PEDS1: variants seen among roughly 807,000 people sequenced by gnomAD.
The protein encoded by PEDS1 is plasmanylethanolamine desaturase 1.
In PEDS1, 14 loss-of-function variants were observed where a neutral mutation model predicts 35.2. The observed-to-expected ratio is 0.40, with a 90% CI of 0.26 to 0.62. The LOEUF is 0.62. Ranked by LOEUF, PEDS1 falls within the 20% of genes least tolerant of loss-of-function variation. PEDS1 has a pLI of 0.44. For missense variants in PEDS1, 260 were observed against 367.8 expected (o/e 0.71, Z 2.40); for synonymous variants, 152 against 152.0 (o/e 1.00, Z 0.00).
intron 5 of PEDS1, among the ~76,000 whole-genome samples, chr20:50,125,573 TATC>T (rs1243411985): frequency 1.3e-5 from 2 of 151,664 alleles, no homozygotes; most frequent in African/African-American, 4.8e-5. Flanking sequence ...TCTATCTATC[TATC>T]TATCTATCTA....
At chr20:50,149,066 T>C (rs1442054152) in intron 1 of PEDS1, among the ~76,000 whole-genome samples, 1 of 152,104 alleles carries the variant, frequency 6.6e-6, no homozygotes, top group Admixed American at 6.5e-5. Flanking sequence ...TGAGCTGCAA[T>C]CGCTCCATCA....
At position 50,129,443 on chromosome 20, in the gene PEDS1, A is replaced by G; in HGVS notation, c.478+103T>C. 6.8e-7 allele frequency: 1 copy of G among 1,463,958 alleles called. No individual in the cohort carries two copies. The highest frequency in any genetic ancestry group is 9.1e-7 in the Non-Finnish European group (1 of 1,102,524). 90.7% of individuals were successfully genotyped at this position (1,463,958 alleles called of 1,614,324 possible). The stretch of plus-strand genomic sequence containing the variant: ...GAAGACAATGAATGAAAACTCTTTT[A>G]AAATACCATAAGGAGCCAAACACAT... On this transcript the variant is annotated intron_variant, in intron 4 of 5. Coordinates refer to ENST00000371652, the MANE Select transcript of PEDS1 (RefSeq NM_199129.4). The surrounding 1 kb of genome is among the most constrained non-coding windows in gnomAD (Gnocchi z 4.2).
Position 50,143,555 on chromosome 20 carries a change from T to G in PEDS1, c.188A>C (p.His63Pro), listed in dbSNP as rs753256182. ...CTCCCAGCGGGCCAGCAGCAGGAGATGGACCAGGTTGTGGGCGATGAGGCT... is the reference window on the plus strand; with the variant it reads ...CTCCCAGCGGGCCAGCAGCAGGAGAGGGACCAGGTTGTGGGCGATGAGGCT... ...CFSLIAHNLV[H>P]LLLLARWEDT... Residue 63 changes from histidine to proline, a missense_variant, in exon 2 of 6, where the codon CAT becomes CCT. Physicochemically the swap from His to Pro is moderately conservative, Grantham distance 77 (BLOSUM62 -2). This residue lies in a region of PEDS1 where 114 missense variants were observed against 121.6 expected (regional missense o/e 0.94). Transcript: ENST00000371652. 1 of 1,613,688 alleles carries G rather than the reference T, an allele frequency of 6.2e-7. No individual in the cohort carries two copies. The highest frequency in any genetic ancestry group is 2.2e-5 in the East Asian group (1 of 44,870).
intron 2 of PEDS1, among the ~76,000 whole-genome samples, chr20:50,136,202 C>T (rs975791047): frequency 2.0e-5 from 3 of 152,186 alleles, no homozygotes; most frequent in African/African-American, 4.8e-5. Flanking sequence ...ATCAAGGCCT[C>T]GCTTAGGCCG....
At chr20:50,131,696 CA>C (rs2081182546) in intron 2 of PEDS1, among the ~76,000 whole-genome samples, 1 of 124,628 alleles carries the variant, frequency 8.0e-6, no homozygotes, top group South Asian at 2.9e-4. Flanking sequence ...CAGCTTTTAT[CA>C]GCAATAAACA....
chr20:50,130,268 G>C (rs1406785052), intron 3 of PEDS1, among the ~76,000 whole-genome samples: 4 of 152,208 alleles, frequency 2.6e-5, no homozygotes, highest in African/African-American at 9.6e-5. Context: ...AAGGAGAAAT[G>C]CTGTTCTCCT....
rs771336289 is a variant in PEDS1, at chr20:50,128,075, G to C, written c.591C>G (p.Arg197=). The change falls in exon 5 of 6, where the codon CGC becomes CGG. Residue 197 remains arginine (R), a synonymous_variant. Transcript: ENST00000371652. This position sits in a 1 kb window ranked among gnomAD's most constrained non-coding sequence, Gnocchi z 5.2. ...KWSHTYFGLP[R]WVTLLQDWHV... The stretch of plus-strand genomic sequence containing the variant: ...GCCAGTCCTGCAGGAGGGTGACCCA[G>C]CGTGGCAGCCCAAAGTACGTGTGCG... 5.6e-6 allele frequency: 9 copies of C among 1,614,130 alleles called. No individual in the cohort carries two copies. Among genetic ancestry groups the C allele is most frequent in the Non-Finnish European group, 1.7e-6 (2 of 1,180,052 alleles).
chr20:50,138,621 T>C (rs2081260066), intron 2 of PEDS1, among the ~76,000 whole-genome samples: 1 of 152,174 alleles, frequency 6.6e-6, no homozygotes, highest in African/African-American at 2.4e-5. Flanking sequence ...AGGAATCATC[T>C]TAGGAGACCA....
rs374411362 is a variant in PEDS1 at position 50,124,129 on chromosome 20, C to T, written c.*929G>A. The stretch of plus-strand genomic sequence containing the variant: ...ACGTCCCAGGCTCCTTGATACCCCC[C>T]ACCCCACCCAGCCAGGAAACACCAC... On this transcript the variant is annotated 3_prime_UTR_variant, in exon 6 of 6. Coordinates refer to ENST00000371652, the MANE Select transcript of PEDS1 (RefSeq NM_199129.4). 6.6e-6 allele frequency: 1 copy of T among 152,616 alleles called. No individual in the cohort carries two copies. The highest frequency in any genetic ancestry group is 1.5e-5 in the Non-Finnish European group (1 of 68,058). The allele number at this position is 152,616 out of a possible 1,614,324, so 9.5% of individuals were successfully genotyped here.
At chr20:50,131,080 T>G in intron 2 of PEDS1, 133 bp from the exon 3 acceptor site, 1 of 1,558,108 alleles carries the variant, frequency 6.4e-7, no homozygotes, top group South Asian at 1.2e-5. Flanking sequence ...TTGGGATGTT[T>G]TCTTCCCTGA....
chr20:50,147,771 A>G (rs763774683), intron 1 of PEDS1, among the ~76,000 whole-genome samples: 24 of 152,150 alleles, frequency 1.6e-4, no homozygotes, highest in Non-Finnish European at 2.9e-4. Flanking sequence ...TGCATACACA[A>G]TGGCCGGGTG....
In PEDS1 at chr20:50,129,594, G is replaced by T. The variant is rs1002822272; in HGVS notation, c.430C>A (p.Leu144Met). ...TAGGCCATGTTTAGCAGCGGCAGCA[G>T]TGTCACCAGGCAGTTGTCCCCGTTG... The part of the protein sequence containing the change: ...ETNGDNCLVT[L>M]LPLLNMAYKF... The change falls in exon 4 of 6, where the codon CTG becomes ATG. Residue 144 changes from leucine to methionine, a missense_variant. Leu to Met is a conservative substitution (Grantham distance 15). Transcript: ENST00000371652. The surrounding 1 kb of genome is among the most constrained non-coding windows in gnomAD (Gnocchi z 4.2). The T allele has an allele frequency of 1.2e-6, 2 of 1,614,128 alleles. No individual in the cohort carries two copies. Among genetic ancestry groups the T allele is most frequent in the South Asian group, 2.2e-5 (2 of 91,074 alleles).
intron 1 of PEDS1, among the ~76,000 whole-genome samples, chr20:50,145,807 A>G (rs1336314515): frequency 6.6e-6 from 1 of 152,156 alleles, no homozygotes; most frequent in African/African-American, 2.4e-5. Flanking sequence ...AATGACAACA[A>G]TTTTATCATG....
chr20:50,153,427 C>A, intron 1 of PEDS1, 90 bp downstream of exon 1: 1 of 1,236,576 alleles, frequency 8.1e-7, no homozygotes, highest in Non-Finnish European at 1.0e-6. Context: ...AGTTCCGCAT[C>A]TGGGCCCGAG....
At chr20:50,130,703 G>C (rs1196948252) in intron 3 of PEDS1, among the ~76,000 whole-genome samples, 153 bp downstream of exon 3, 1 of 152,212 alleles carries the variant, frequency 6.6e-6, no homozygotes, top group East Asian at 1.9e-4. Flanking sequence ...AGGGACTCCT[G>C]TTCTAGTCTT....
At position 50,124,174 on chromosome 20, in the gene PEDS1, A is replaced by T. The variant is rs2081075272; in HGVS notation, c.*884T>A. 1 of 152,682 alleles carries T rather than the reference A, an allele frequency of 6.5e-6. No homozygotes were observed. The highest frequency in any genetic ancestry group is 1.5e-5 in the Non-Finnish European group (1 of 68,048). 9.5% of individuals were successfully genotyped at this position (152,682 alleles called of 1,614,324 possible). ...CACCACGAGGCAGCCAAGGTTAAGT[A>T]GACTCTTGCTGCTTTGTTATAAATA... On this transcript the variant is annotated 3_prime_UTR_variant, in exon 6 of 6. Transcript: ENST00000371652.
rs2081382800 is a variant in PEDS1 at position 50,149,735 on chromosome 20, CA to C, written c.121+3781del. Among the ~76,000 whole-genome samples the C allele has an allele frequency of 2.6e-5, 4 of 152,302 alleles. No individual in the cohort carries two copies. The South Asian group carries it at 8.3e-4, about 32-fold the overall frequency. On this transcript the variant is annotated intron_variant, in intron 1 of 5. Coordinates refer to ENST00000371652, the MANE Select transcript of PEDS1 (RefSeq NM_199129.4). ...GGCCCATTCTCTGCCACCTGCCCTG[CA>C]CACATGCTGTTCTGATGATCCGGAA...
intron 2 of PEDS1, among the ~76,000 whole-genome samples, chr20:50,135,077 C>CAGG (rs1372876946): frequency 6.6e-6 from 1 of 152,104 alleles, no homozygotes; most frequent in Non-Finnish European, 1.5e-5. Flanking sequence ...CCCAGCTACT[C>CAGG]AGGAGGCTGA....
Position 50,128,063 on chromosome 20 carries a change from G to C in PEDS1, c.603C>G (p.Leu201=). Residue 201 remains leucine, a synonymous_variant, in exon 5 of 6, where the codon CTC becomes CTG. Coordinates refer to ENST00000371652, the MANE Select transcript of PEDS1 (RefSeq NM_199129.4). The surrounding 1 kb of genome is among the most constrained non-coding windows in gnomAD (Gnocchi z 5.2). ...TYFGLPRWVT[L]LQDWHVILPR... is the part of the protein sequence containing the mutation. ...GCAGGATGACATGCCAGTCCTGCAG[G>C]AGGGTGACCCAGCGTGGCAGCCCAA... 6.2e-7 allele frequency: 1 copy of C among 1,614,246 alleles called. No homozygotes were observed. The highest frequency in any genetic ancestry group is 8.5e-7 in the Non-Finnish European group (1 of 1,180,038).
Sources: gnomAD v4.1 joint callset for allele counts (sites outside exome capture counted in the v4.1 genomes callset) on GRCh38, gnomAD v4.1.1 for gene constraint, gnomAD v4.1.1 regional missense constraint, Gnocchi (gnomAD v3.1) non-coding constraint, MANE v1.5 for transcripts, NCBI Gene and HGNC (gene_info 2026-07-23, HGNC 2026-07-21) for gene names.